CALCR: variants seen among roughly 807,000 people sequenced by gnomAD.
CALCR encodes calcitonin receptor.
In CALCR, 47 loss-of-function variants were observed where a neutral mutation model predicts 59.5. That is an observed-to-expected ratio of 0.79 (90% CI 0.63 to 1.01). The LOEUF is 1.01. CALCR is among the 50% of genes least tolerant of loss of function. CALCR has a pLI of 0.00. For missense variants in CALCR, 566 were observed against 597.1 expected, an observed-to-expected ratio of 0.95 and a Z score of 0.54; for synonymous variants, 213 against 211.3, an observed-to-expected ratio of 1.01 and a Z score of -0.07.
At chr7:93,536,662 A>G (rs1186146643) in intron 2 of CALCR, among the ~76,000 whole-genome samples, 1 of 151,852 alleles carries the variant, frequency 6.6e-6, no homozygotes, top group East Asian at 1.9e-4. Context: ...ATCATTTAGC[A>G]TTAGGTATAT....
intron 2 of CALCR, among the ~76,000 whole-genome samples, chr7:93,529,812 C>G (rs970951382): frequency 6.6e-6 from 1 of 152,070 alleles, no homozygotes; most frequent in African/African-American, 2.4e-5. Context: ...CTCTAAAATA[C>G]TTAGAATAGT....
intron 2 of CALCR, among the ~76,000 whole-genome samples, chr7:93,542,952 A>G (rs1292527795): frequency 7.5e-6 from 1 of 134,148 alleles, no homozygotes; most frequent in Non-Finnish European, 1.7e-5. Context: ...ATGGTTTTGC[A>G]GTTCACTGAT....
In CALCR at chr7:93,425,170, T is replaced by C. The variant is rs557738610; in HGVS notation, c.*1186A>G. 1 of 152,736 alleles carries C rather than the reference T, an allele frequency of 6.5e-6. No homozygotes were observed. The highest frequency in any genetic ancestry group is 6.5e-5 in the Admixed American group (1 of 15,308). 9.5% of individuals were successfully genotyped at this position (152,736 alleles called of 1,614,324 possible). A position where few individuals can be genotyped will look rare whatever the true frequency, so the allele number is the denominator to read the frequency against. ...AGTAAAGAGAGATATGATAATATAA[T>C]ACTGGATTTTAATGAGAAACGTTAA... On this transcript the variant is annotated 3_prime_UTR_variant, in exon 14 of 14. Coordinates refer to ENST00000426151, the MANE Select transcript of CALCR (RefSeq NM_001742.4).
At chr7:93,533,669 A>G (rs538960253) in intron 2 of CALCR, among the ~76,000 whole-genome samples, 30 of 152,006 alleles carry the variant, frequency 2.0e-4, no homozygotes, top group African/African-American at 7.2e-4. Flanking sequence ...AAGCACTCTG[A>G]AAGGCTGGAT....
intron 2 of CALCR, among the ~76,000 whole-genome samples, chr7:93,531,731 T>C (rs536970265): frequency 2.6e-4 from 40 of 152,162 alleles, no homozygotes; most frequent in African/African-American, 9.6e-4. Context: ...ACGCTACTTG[T>C]AATGGAAGCT....
At chr7:93,460,593 G>GTATATATATATATATATATGTATATATA (rs1800309128) in intron 8 of CALCR, among the ~76,000 whole-genome samples, 11 of 89,350 alleles carry the variant, frequency 1.2e-4, no homozygotes, top group African/African-American at 5.9e-4. Context: ...ATATATATAT[G>GTATATATATATATATATATGTATATATA]TATATATATA....
rs1234820449 is a variant in CALCR, at chr7:93,468,702, T to C, written c.521+13A>G. ...AGGAGGAAATAAAGAGCAGATGCTG[T>C]GAGTGTACTTACCTGAAAAACACGA... On this transcript the variant is annotated intron_variant, in intron 7 of 13. Coordinates refer to ENST00000426151, the MANE Select transcript of CALCR (RefSeq NM_001742.4). The C allele has an allele frequency of 1.9e-6, 3 of 1,556,180 alleles. No homozygotes were observed. The highest frequency in any genetic ancestry group is 1.4e-5 in the African/African-American group (1 of 73,676).
chr7:93,559,237 C>A (rs1308267830), intron 2 of CALCR, among the ~76,000 whole-genome samples: 1 of 152,098 alleles, frequency 6.6e-6, no homozygotes, highest in African/African-American at 2.4e-5. Context: ...CAGATTCACA[C>A]ACACAAACCA....
chr7:93,464,571 A>G (rs570753079), intron 7 of CALCR, among the ~76,000 whole-genome samples: 110 of 152,142 alleles, frequency 7.2e-4, no homozygotes, highest in Admixed American at 3.3e-3. Flanking sequence ...ACAATATATT[A>G]TATATCTTCC....
intron 8 of CALCR, among the ~76,000 whole-genome samples, chr7:93,460,595 A>ATATATATATATG (rs1554397841): frequency 0.034 from 2,608 of 77,476 alleles, 216 homozygotes; most frequent in African/African-American, 0.12. Context: ...ATATATATGT[A>ATATATATATATG]TATATATATA....
At chr7:93,448,818 C>T (rs1051963185) in intron 8 of CALCR, among the ~76,000 whole-genome samples, 1 of 151,822 alleles carries the variant, frequency 6.6e-6, no homozygotes, top group African/African-American at 2.4e-5. Context: ...CTATTTTTGG[C>T]GGGCTGCAAT....
intron 4 of CALCR, among the ~76,000 whole-genome samples, chr7:93,478,650 T>C (rs1469043454): frequency 6.6e-6 from 1 of 150,780 alleles, no homozygotes; most frequent in East Asian, 2.0e-4. Flanking sequence ...TATATATATA[T>C]ATATATATAT....
intron 8 of CALCR, among the ~76,000 whole-genome samples, chr7:93,460,425 G>A (rs1162622669): frequency 2.0e-5 from 3 of 150,452 alleles, no homozygotes; most frequent in Admixed American, 2.0e-4. Flanking sequence ...GCATGGTGTC[G>A]CATGCCTGTA....
chr7:93,426,414 C>T lies in CALCR; in HGVS notation c.1367G>A (p.Gly456Asp). The change falls in exon 14 of 14, where the codon GGC becomes GAC. Residue 456 changes from glycine (G) to aspartate (D), a missense_variant. Coordinates refer to ENST00000426151, the MANE Select transcript of CALCR (RefSeq NM_001742.4). ...AGGGATGATCTCAGCACTCTCCTCG[C>T]CTTGGTTGTTGGCTGGTTCATTCCT... is the stretch of plus-strand genomic sequence containing the variant. Reference protein sequence around the residue: ...ELRNEPANNQGEESAEIIPLN... With the variant: ...ELRNEPANNQDEESAEIIPLN... The T allele has an allele frequency of 6.2e-7, 1 of 1,613,956 alleles. No homozygotes were observed. Among genetic ancestry groups the T allele is most frequent in the Non-Finnish European group, 8.5e-7 (1 of 1,179,872 alleles).
At chr7:93,567,351 G>A (rs1489739515) in intron 2 of CALCR, among the ~76,000 whole-genome samples, 2 of 151,972 alleles carry the variant, frequency 1.3e-5, no homozygotes, top group Non-Finnish European at 2.9e-5. Context: ...ATTTCTCTAA[G>A]AGAAGAGAGG....
At position 93,426,419 on chromosome 7, in the gene CALCR, G is replaced by C; in HGVS notation, c.1362C>G (p.Asn454Lys). Residue 454 changes from asparagine (N) to lysine (K), a missense_variant, in exon 14 of 14, where the codon AAC (asparagine) becomes AAG (lysine). Physicochemically the swap from Asn to Lys is moderately conservative, Grantham distance 94. Transcript: ENST00000426151. The stretch of plus-strand genomic sequence containing the variant: ...TGATCTCAGCACTCTCCTCGCCTTG[G>C]TTGTTGGCTGGTTCATTCCTCAGCT... Reference protein sequence around the residue: ...HQELRNEPANNQGEESAEIIP... With the variant: ...HQELRNEPANKQGEESAEIIP... 1 of 1,613,916 alleles carries C rather than the reference G, an allele frequency of 6.2e-7. No individual in the cohort carries two copies. Among genetic ancestry groups the C allele is most frequent in the Non-Finnish European group, 8.5e-7 (1 of 1,179,822 alleles).
intron 9 of CALCR, among the ~76,000 whole-genome samples, chr7:93,442,471 G>C (rs1799927145): frequency 1.3e-5 from 2 of 152,148 alleles, no homozygotes; most frequent in Admixed American, 6.5e-5. Flanking sequence ...CCTTTCTGCA[G>C]TTTACAGACT....
chr7:93,569,280 C>A (rs541079815), intron 2 of CALCR, among the ~76,000 whole-genome samples: 2 of 152,236 alleles, frequency 1.3e-5, no homozygotes, highest in South Asian at 2.1e-4. Context: ...AAGGACCCCC[C>A]ACTATCTTCC....
intron 2 of CALCR, chr7:93,495,965 A>G (rs2115978918): frequency 6.6e-7 from 1 of 1,504,346 alleles, no homozygotes; most frequent in Non-Finnish European, 8.9e-7. Flanking sequence ...ATCAGTGGGA[A>G]TCATTTATTC....
Sources: gnomAD v4.1 joint callset for allele counts (sites outside exome capture counted in the v4.1 genomes callset) on GRCh38, gnomAD v4.1.1 for gene constraint, MANE v1.5 for transcripts, NCBI Gene and HGNC (gene_info 2026-07-23, HGNC 2026-07-21) for gene names.